SEMA3A: variants seen among roughly 807,000 people sequenced by gnomAD.
SEMA3A encodes semaphorin 3A.
Under a neutral mutation model 97.9 loss-of-function variants are expected in SEMA3A, and 29 were observed. The observed-to-expected ratio is 0.30, with a 90% CI of 0.22 to 0.40. The LOEUF is 0.40. Ranked by LOEUF, SEMA3A falls within the 10% of genes least tolerant of loss-of-function variation. SEMA3A has a pLI of 1.00. For synonymous variants in SEMA3A, 321 were observed against 323.7 expected, an observed-to-expected ratio of 0.99 and a Z score of 0.09; for missense variants, 763 against 951.3, an observed-to-expected ratio of 0.80 and a Z score of 2.60.
chr7:84,044,177 T>G (rs1792253357), intron 6 of SEMA3A, among the ~76,000 whole-genome samples: 1 of 33,766 alleles, frequency 3.0e-5, no homozygotes, highest in South Asian at 9.1e-4. Context: ...GTTAAGAGAG[T>G]TTTTTTTTCC....
chr7:84,280,574 A>G (rs2115740506), intron 3 of SEMA3A, among the ~76,000 whole-genome samples: 1 of 152,230 alleles, frequency 6.6e-6, no homozygotes. Flanking sequence ...ACCTAAGTTC[A>G]GGAGTTCAAG....
In SEMA3A at chr7:84,052,296, C is replaced by T. The variant is rs149378532; in HGVS notation, c.548-5853G>A. On this transcript the variant is annotated intron_variant, in intron 5 of 16. Coordinates refer to ENST00000265362, the MANE Select transcript of SEMA3A (RefSeq NM_006080.3). ...GTTTCAGAAGGAACGCTACCAGTTC[C>T]TCCTTGTACCTCTGGTACAATTCGG... 1.3e-3 allele frequency among the ~76,000 whole-genome samples: 191 copies of T among 152,312 alleles called. 1 individual carries two copies. In the East Asian group the frequency reaches 0.016, roughly 13 times the overall value.
In SEMA3A at chr7:84,477,695, A is replaced by T. The variant is rs565011414; in HGVS notation, c.-246+14765T>A. On this transcript the variant is annotated intron_variant, in intron 1 of 3. Transcript: ENST00000424555. The stretch of plus-strand genomic sequence containing the variant: ...ATCTATAGAGGTGTTGGGGTGTGAG[A>T]TCTACAAAATAAAGAATGAAACAGT... 4.0e-4 allele frequency among the ~76,000 whole-genome samples: 61 copies of T among 152,240 alleles called. 1 individual carries two copies. In the South Asian group the frequency reaches 5.0e-3, roughly 12 times the overall value.
At chr7:84,351,248 T>A (rs1802431688) in intron 2 of SEMA3A, among the ~76,000 whole-genome samples, 1 of 152,132 alleles carries the variant, frequency 6.6e-6, no homozygotes, top group South Asian at 2.1e-4. Flanking sequence ...TTTCCCATCA[T>A]AACATCCTTT....
chr7:84,314,848 A>C (rs1584232114), intron 2 of SEMA3A, among the ~76,000 whole-genome samples: 1 of 152,318 alleles, frequency 6.6e-6, no homozygotes, highest in East Asian at 1.9e-4. Flanking sequence ...TCGATTAGAA[A>C]GTCATTTTTT....
intron 1 of SEMA3A, among the ~76,000 whole-genome samples, chr7:84,453,924 A>G (rs1185095262): frequency 1.3e-5 from 2 of 152,182 alleles, no homozygotes; most frequent in Non-Finnish European, 2.9e-5. Context: ...TTGATACTAC[A>G]GTGATATATT....
Position 84,328,443 on chromosome 7 carries a change from G to A in SEMA3A, c.-168-21151C>T, listed in dbSNP as rs147694654. Among the ~76,000 whole-genome samples the A allele has an allele frequency of 3.2e-3, 486 of 152,048 alleles. 1 individual carries two copies. Among genetic ancestry groups the A allele is most frequent in the African/African-American group, 0.011 (468 of 41,550 alleles). Reference sequence around the variant, plus strand: ...AGAAAATGAAAGAGCAGGAGATAGAGGGGAAGAGAGACAAAATAGACAGTA... The same window carrying A: ...AGAAAATGAAAGAGCAGGAGATAGAAGGGAAGAGAGACAAAATAGACAGTA... On this transcript the variant is annotated intron_variant, in intron 2 of 3. Coordinates refer to the SEMA3A transcript ENST00000424555.
At chr7:84,230,067 T>C (rs190290073) in intron 3 of SEMA3A, among the ~76,000 whole-genome samples, 32 of 152,098 alleles carry the variant, frequency 2.1e-4, no homozygotes, top group Admixed American at 5.9e-4. Flanking sequence ...GTTTTCATCT[T>C]ATTTTAAATC....
intron 4 of SEMA3A, among the ~76,000 whole-genome samples, chr7:84,062,968 G>A (rs1367007555): frequency 5.3e-5 from 8 of 151,928 alleles, no homozygotes; most frequent in Non-Finnish European, 1.0e-4. Context: ...TGGGGGCAGG[G>A]CACAGACAAA....
chr7:84,368,516 T>G (rs1802902788), intron 2 of SEMA3A, among the ~76,000 whole-genome samples: 3 of 151,124 alleles, frequency 2.0e-5, no homozygotes, highest in African/African-American at 7.2e-5. Flanking sequence ...TAGTTTTATG[T>G]TATTGTTTTA....
At chr7:84,168,357 T>C (rs1466577484) in intron 1 of SEMA3A, among the ~76,000 whole-genome samples, 1 of 152,070 alleles carries the variant, frequency 6.6e-6, no homozygotes, top group African/African-American at 2.4e-5. Context: ...TTTGTTCTGT[T>C]TGCAGCCCAC....
At chr7:84,088,740 C>T (rs901564415) in intron 4 of SEMA3A, among the ~76,000 whole-genome samples, 5 of 151,860 alleles carry the variant, frequency 3.3e-5, no homozygotes, top group African/African-American at 9.7e-5. Context: ...CACCTTCCTG[C>T]CTAACATTAA....
chr7:84,207,418 C>G (rs1216952703), intron 3 of SEMA3A, among the ~76,000 whole-genome samples: 1 of 152,158 alleles, frequency 6.6e-6, no homozygotes, highest in Non-Finnish European at 1.5e-5. Context: ...TCAAATGATT[C>G]TATGTATTCC....
intron 15 of SEMA3A, among the ~76,000 whole-genome samples, chr7:83,974,896 A>C (rs1216510998): frequency 6.6e-6 from 1 of 152,074 alleles, no homozygotes; most frequent in Non-Finnish European, 1.5e-5. Context: ...GTTGTTTACC[A>C]CAACCCTCCC....
chr7:84,054,036 T>A (rs1476154385), intron 5 of SEMA3A, among the ~76,000 whole-genome samples: 1 of 151,918 alleles, frequency 6.6e-6, no homozygotes, highest in East Asian at 1.9e-4. Flanking sequence ...TGTTGAATAT[T>A]GGCCCCCACT....
intron 2 of SEMA3A, among the ~76,000 whole-genome samples, chr7:84,338,586 GA>G (rs1252687888): frequency 2.0e-5 from 3 of 152,076 alleles, no homozygotes; most frequent in African/African-American, 4.8e-5. Context: ...TTGCAGCTAA[GA>G]ATAAATATTT....
intron 2 of SEMA3A, among the ~76,000 whole-genome samples, chr7:84,343,182 C>T (rs1018892830): frequency 1.3e-4 from 20 of 152,102 alleles, no homozygotes; most frequent in African/African-American, 2.9e-4. Context: ...TGAACTCAGA[C>T]GCCCACAAAC....
chr7:84,415,875 A>G (rs1804419503), intron 1 of SEMA3A, among the ~76,000 whole-genome samples: 1 of 152,066 alleles, frequency 6.6e-6, no homozygotes, highest in African/African-American at 2.4e-5. Flanking sequence ...CATAATTGCT[A>G]CTTGCAAGCT....
At chr7:84,082,977 T>G (rs1373437226) in intron 4 of SEMA3A, among the ~76,000 whole-genome samples, 1 of 151,870 alleles carries the variant, frequency 6.6e-6, no homozygotes, top group Non-Finnish European at 1.5e-5. Flanking sequence ...GTTTCATTCT[T>G]TAAATTTTAT....
Sources: gnomAD v4.1 joint callset for allele counts (sites outside exome capture counted in the v4.1 genomes callset) on GRCh38, gnomAD v4.1.1 for gene constraint, MANE v1.5 for transcripts, NCBI Gene and HGNC (gene_info 2026-07-23, HGNC 2026-07-21) for gene names.